RSBN1L: variants seen among roughly 807,000 people sequenced by gnomAD.
RSBN1L encodes lysine-specific demethylase RSBN1L.
A neutral mutation model predicts 67.7 loss-of-function variants in RSBN1L; 30 were observed. That is an observed-to-expected ratio of 0.44 (90% CI 0.33 to 0.60). RSBN1L has a LOEUF of 0.60. RSBN1L is among the 20% of genes least tolerant of loss of function. The probability of loss-of-function intolerance (pLI) is 0.02; values close to 1 mark genes in which losing one functional copy is unlikely to be tolerated. For synonymous variants in RSBN1L, 433 were observed against 387.0 expected (o/e 1.12, Z -1.39); for missense variants, 992 against 1,031.7 (o/e 0.96, Z 0.53).
chr7:77,769,619 CAAT>C (rs1415846201), intron 5 of RSBN1L, among the ~76,000 whole-genome samples: 1 of 152,146 alleles, frequency 6.6e-6, no homozygotes, highest in African/African-American at 2.4e-5. Flanking sequence ...GCGACATCAA[CAAT>C]GAGGTTCAAA....
chr7:77,736,432 A>G lies in RSBN1L; in HGVS notation c.609A>G (p.Lys203=). The G allele has an allele frequency of 9.1e-7, 1 of 1,096,144 alleles. No homozygotes were observed. Among genetic ancestry groups the G allele is most frequent in the South Asian group, 1.6e-5 (1 of 64,004 alleles). 67.9% of individuals were successfully genotyped at this position (1,096,144 alleles called of 1,614,324 possible). Reference sequence around the variant, plus strand: ...CAGATAAAATCAAAGACAAAATTAAAGAGAGAGACAAAGAAAAAGAAAGAG... The same window carrying G: ...CAGATAAAATCAAAGACAAAATTAAGGAGAGAGACAAAGAAAAAGAAAGAG... ...LPRDKIKDKI[K]ERDKEKEREK... Residue 203 remains lysine (K), a synonymous_variant, in exon 2 of 8, where the codon AAA becomes AAG. Coordinates refer to ENST00000334955, the MANE Select transcript of RSBN1L (RefSeq NM_198467.3).
At chr7:77,702,774 G>T (rs1468969216) in intron 1 of RSBN1L, among the ~76,000 whole-genome samples, 1 of 152,160 alleles carries the variant, frequency 6.6e-6, no homozygotes, top group Non-Finnish European at 1.5e-5. Context: ...CCAGGTTCTG[G>T]TAAGGGCTCT....
chr7:77,765,640 A>ACTT lies in RSBN1L; in HGVS notation c.1482+9_1482+10insTTC. 6.3e-7 allele frequency: 1 copy of ACTT among 1,584,640 alleles called. No individual in the cohort carries two copies. Among genetic ancestry groups the ACTT allele is most frequent in the Non-Finnish European group, 8.6e-7 (1 of 1,163,660 alleles). On this transcript the variant is annotated intron_variant, in intron 4 of 7. Transcript: ENST00000334955. ...GAGTCACCATTTTTAAAAGTAAGAG[A>ACTT]CAATCTGTCATGGGATTAGAGTTTT...
chr7:77,752,742 C>T (rs1456167793), intron 3 of RSBN1L, among the ~76,000 whole-genome samples: 4 of 152,120 alleles, frequency 2.6e-5, no homozygotes, highest in African/African-American at 9.7e-5. Flanking sequence ...TTTAAAAAGC[C>T]AAATATTGTT....
At chr7:77,755,329 C>T (rs1791602768) in intron 3 of RSBN1L, among the ~76,000 whole-genome samples, 1 of 152,140 alleles carries the variant, frequency 6.6e-6, no homozygotes, top group African/African-American at 2.4e-5. Flanking sequence ...TCCTAATAAA[C>T]CTGTAAGTCA....
chr7:77,709,180 GTGTGTGTGTGTGTGTGTA>G (rs1418614337), intron 1 of RSBN1L, among the ~76,000 whole-genome samples: 3 of 133,072 alleles, frequency 2.3e-5, no homozygotes, highest in East Asian at 2.0e-4. Context: ...GTGTGTGTGT[GTGTGTGTGTGTGTGTGTA>G]TGTATGTGTA....
chr7:77,724,536 C>T (rs1446841384), intron 1 of RSBN1L, among the ~76,000 whole-genome samples: 3 of 151,522 alleles, frequency 2.0e-5, no homozygotes, highest in Non-Finnish European at 4.4e-5. Flanking sequence ...AGTGATTCTC[C>T]TGCCTCAGCC....
At chr7:77,752,945 A>G (rs975470812) in intron 3 of RSBN1L, among the ~76,000 whole-genome samples, 10 of 152,274 alleles carry the variant, frequency 6.6e-5, no homozygotes, top group African/African-American at 1.7e-4. Flanking sequence ...CTGTAGTATA[A>G]CGTTTGTGAG....
chr7:77,717,198 C>T (rs1209672777), intron 1 of RSBN1L, among the ~76,000 whole-genome samples: 1 of 151,278 alleles, frequency 6.6e-6, no homozygotes, highest in Non-Finnish European at 1.5e-5. Flanking sequence ...TCTCCTTGAC[C>T]TCCCAAAGTT....
At chr7:77,748,422 G>C (rs1791511750) in intron 2 of RSBN1L, among the ~76,000 whole-genome samples, 1 of 152,184 alleles carries the variant, frequency 6.6e-6, no homozygotes, top group Admixed American at 6.5e-5. Flanking sequence ...AACAGAACCA[G>C]AATTTAAGCA....
chr7:77,760,990 A>G (rs1584300018), intron 3 of RSBN1L, among the ~76,000 whole-genome samples: 1 of 152,250 alleles, frequency 6.6e-6, no homozygotes, highest in Non-Finnish European at 1.5e-5. Flanking sequence ...ACTACACCAG[A>G]AAACTGGTTT....
Position 77,778,595 on chromosome 7 carries a change from G to A in RSBN1L, c.1968G>A (p.Arg656=). 6.2e-7 allele frequency: 1 copy of A among 1,614,030 alleles called. No homozygotes were observed. Among genetic ancestry groups the A allele is most frequent in the East Asian group, 2.2e-5 (1 of 44,876 alleles). ...GGAGGGAAGGCATTCGCTATGCCAG[G>A]ATTCAGCTATATGATAATGACATTT... ...QLRREGIRYA[R]IQLYDNDIYF... The change falls in exon 8 of 8, where the codon AGG becomes AGA. Residue 656 remains arginine, a synonymous_variant. Coordinates refer to ENST00000334955, the MANE Select transcript of RSBN1L (RefSeq NM_198467.3).
intron 1 of RSBN1L, among the ~76,000 whole-genome samples, chr7:77,718,066 A>G (rs1462118087): frequency 6.6e-6 from 1 of 152,098 alleles, no homozygotes; most frequent in Admixed American, 6.6e-5. Flanking sequence ...TTTGAGAGAA[A>G]CTTTGAAAGG....
At chr7:77,706,417 C>T (rs1790893219) in intron 1 of RSBN1L, among the ~76,000 whole-genome samples, 1 of 151,952 alleles carries the variant, frequency 6.6e-6, no homozygotes, top group South Asian at 2.1e-4. Context: ...ACCATGTTGG[C>T]CAGACTGGTC....
At chr7:77,738,121 T>G (rs2150421470) in intron 2 of RSBN1L, among the ~76,000 whole-genome samples, 1 of 152,316 alleles carries the variant, frequency 6.6e-6, no homozygotes, top group Admixed American at 6.5e-5. Context: ...AATAGTTTTC[T>G]TATTCATTTG....
chr7:77,732,586 G>T (rs979098201), intron 1 of RSBN1L, among the ~76,000 whole-genome samples: 1 of 152,064 alleles, frequency 6.6e-6, no homozygotes, highest in Non-Finnish European at 1.5e-5. Context: ...CACCTGCCTT[G>T]CCCTCCCAAA....
In RSBN1L at chr7:77,779,241, A is replaced by C. The variant is rs757579969; in HGVS notation, c.*73A>C. Reference sequence around the variant, plus strand: ...TAAAGATTCATGAATTCTGAAAGCAAGCCAAGGACTTGCTCCTATGTCTGT... The same window carrying C: ...TAAAGATTCATGAATTCTGAAAGCACGCCAAGGACTTGCTCCTATGTCTGT... On this transcript the variant is annotated 3_prime_UTR_variant, in exon 8 of 8. Coordinates refer to ENST00000334955, the MANE Select transcript of RSBN1L (RefSeq NM_198467.3). 2.8e-6 allele frequency: 3 copies of C among 1,080,428 alleles called. No individual in the cohort carries two copies. Among genetic ancestry groups the C allele is most frequent in the Non-Finnish European group, 4.0e-6 (3 of 757,114 alleles). The allele number at this position is 1,080,428 out of a possible 1,614,324, so 66.9% of individuals were successfully genotyped here.
intron 4 of RSBN1L, 151 bp from the exon 5 acceptor site, chr7:77,768,510 A>G (rs1469227346): frequency 4.5e-6 from 3 of 664,134 alleles, no homozygotes; most frequent in Non-Finnish European, 5.1e-6. Flanking sequence ...ATATCAATAT[A>G]TAGGGATATA....
chr7:77,725,773 A>G (rs1360261408), intron 1 of RSBN1L, among the ~76,000 whole-genome samples: 1 of 151,734 alleles, frequency 6.6e-6, no homozygotes, highest in Non-Finnish European at 1.5e-5. Context: ...TATTTTTAGT[A>G]GAGACAGGGT....
Sources: gnomAD v4.1 joint callset for allele counts (sites outside exome capture counted in the v4.1 genomes callset) on GRCh38, gnomAD v4.1.1 for gene constraint, MANE v1.5 for transcripts, NCBI Gene and HGNC (gene_info 2026-07-23, HGNC 2026-07-21) for gene names.